OR9Q1: variants seen among roughly 807,000 people sequenced by gnomAD.
OR9Q1 encodes the protein olfactory receptor 9Q1.
For missense variants in OR9Q1, 374 were observed against 378.8 expected (o/e 0.99, Z 0.11); for synonymous variants, 153 against 148.6 (o/e 1.03, Z -0.22).
In OR9Q1 at chr11:58,175,145, C is replaced by G. The variant is rs185967245; in HGVS notation, c.-14-4286C>G. ...AAAAAAAAGGAGATTTAGATTATTA[C>G]GCACAACAATATATAAAAATTTTTA... On this transcript the variant is annotated intron_variant, in intron 2 of 2. Coordinates refer to ENST00000335397, the MANE Select transcript of OR9Q1 (RefSeq NM_001005212.4). Among the ~76,000 whole-genome samples the G allele has an allele frequency of 9.9e-5, 14 of 142,084 alleles. 1 individual carries two copies. Among genetic ancestry groups the G allele is most frequent in the Non-Finnish European group, 1.8e-4 (12 of 65,192 alleles). 93.2% of individuals were successfully genotyped at this position (142,084 alleles called of 152,430 possible). A position where few individuals can be genotyped will look rare whatever the true frequency, so the allele number is the denominator to read the frequency against.
chr11:58,040,219 G>A (rs1853147499), intron 1 of OR9Q1, among the ~76,000 whole-genome samples: 1 of 152,188 alleles, frequency 6.6e-6, no homozygotes, highest in African/African-American at 2.4e-5. Context: ...AGGACAGAGT[G>A]GACTGGGTGA....
intron 2 of OR9Q1, among the ~76,000 whole-genome samples, chr11:58,082,802 A>G (rs1440299062): frequency 2.0e-5 from 3 of 148,812 alleles, no homozygotes; most frequent in Non-Finnish European, 4.4e-5. Flanking sequence ...TTAAAATTTT[A>G]TTATTATTAT....
chr11:58,168,234 G>C (rs2119941226), intron 2 of OR9Q1, among the ~76,000 whole-genome samples: 1 of 152,244 alleles, frequency 6.6e-6, no homozygotes, highest in Admixed American at 6.5e-5. Context: ...TCCAGTCTCT[G>C]ATCCTAGTCC....
chr11:58,034,074 CTTTTTTTTTTTT>C (rs61109050), intron 1 of OR9Q1, among the ~76,000 whole-genome samples: 23 of 61,148 alleles, frequency 3.8e-4, no homozygotes, highest in African/African-American at 1.5e-3. Context: ...TCAGCACTTG[CTTTTTTTTTTTT>C]TTTTTTTTTT....
intron 2 of OR9Q1, among the ~76,000 whole-genome samples, chr11:58,081,465 C>T (rs1853586507): frequency 6.6e-6 from 1 of 152,162 alleles, no homozygotes; most frequent in African/African-American, 2.4e-5. Flanking sequence ...TTCTCCATGT[C>T]CTCTCCAGCA....
intron 2 of OR9Q1, among the ~76,000 whole-genome samples, chr11:58,067,003 G>A (rs1476730954): frequency 1.3e-5 from 2 of 151,188 alleles, no homozygotes; most frequent in Non-Finnish European, 2.9e-5. Context: ...CTGGCTGCAG[G>A]GTTCAGCTGT....
chr11:58,147,097 A>G (rs1854306079), intron 2 of OR9Q1, among the ~76,000 whole-genome samples: 1 of 152,180 alleles, frequency 6.6e-6, no homozygotes, highest in Non-Finnish European at 1.5e-5. Context: ...AGTGCATGGC[A>G]TTTGATTTCC....
chr11:58,161,141 G>A (rs960694508), intron 2 of OR9Q1, among the ~76,000 whole-genome samples: 10 of 151,512 alleles, frequency 6.6e-5, no homozygotes, highest in Non-Finnish European at 2.9e-5. Context: ...AATACCTACT[G>A]TAAATGACGA....
chr11:58,116,644 G>A (rs1469643143), intron 2 of OR9Q1: 2 of 152,088 alleles, frequency 1.3e-5, no homozygotes, highest in Non-Finnish European at 2.9e-5. Context: ...TAGCTATTTG[G>A]ATATTCTTCA....
chr11:58,139,930 T>G (rs1037746359), intron 2 of OR9Q1, among the ~76,000 whole-genome samples: 1 of 151,190 alleles, frequency 6.6e-6, no homozygotes, highest in East Asian at 2.0e-4. Context: ...TTTCTCCACA[T>G]CCTCTCCAGC....
At chr11:58,048,676 A>AT (rs199746759) in intron 1 of OR9Q1, among the ~76,000 whole-genome samples, 20,793 of 110,656 alleles carry the variant, frequency 0.19, 1,918 homozygotes, top group South Asian at 0.26. Flanking sequence ...TCTTAAAAAA[A>AT]AAAATATATA....
chr11:58,159,665 A>G (rs913496244), intron 2 of OR9Q1, among the ~76,000 whole-genome samples: 1 of 152,228 alleles, frequency 6.6e-6, no homozygotes, highest in Non-Finnish European at 1.5e-5. Flanking sequence ...TTGAAAGTAT[A>G]ACAGACAGAC....
intron 2 of OR9Q1, among the ~76,000 whole-genome samples, chr11:58,141,654 C>T (rs539567613): frequency 3.3e-5 from 5 of 152,180 alleles, no homozygotes; most frequent in East Asian, 1.9e-4. Flanking sequence ...CATCAATGTT[C>T]GTCAGGGATG....
chr11:58,158,754 G>C (rs568310503), intron 2 of OR9Q1, among the ~76,000 whole-genome samples: 1 of 152,302 alleles, frequency 6.6e-6, no homozygotes, highest in East Asian at 1.9e-4. Context: ...AACTATGAAA[G>C]ACTGGTGTTT....
chr11:58,061,166 CT>C (rs1461211250), intron 2 of OR9Q1, among the ~76,000 whole-genome samples: 1 of 152,162 alleles, frequency 6.6e-6, no homozygotes, highest in Non-Finnish European at 1.5e-5. Flanking sequence ...CACTGTCAGA[CT>C]TTTCCCAGCC....
chr11:58,042,799 G>A (rs540546069), intron 1 of OR9Q1, among the ~76,000 whole-genome samples: 163 of 152,210 alleles, frequency 1.1e-3, no homozygotes, highest in African/African-American at 3.7e-3. Context: ...TCTTCCATTC[G>A]TTTGTATCCT....
At chr11:58,118,869 T>A (rs1451165694) in intron 2 of OR9Q1, 2 of 1,613,884 alleles carry the variant, frequency 1.2e-6, no homozygotes, top group African/African-American at 2.7e-5. Context: ...CGATGTTTGC[T>A]GTGTCACTGC....
chr11:58,180,664 G>C lies in OR9Q1; in HGVS notation c.*287G>C, dbSNP rs1232301390. ...ACACTTCACCTGTCTGTGATTATAA[G>C]AGTAATTTTTTTTGCAAAATTTTTA... is the stretch of plus-strand genomic sequence containing the variant. On this transcript the variant is annotated 3_prime_UTR_variant, in exon 3 of 3. Coordinates refer to ENST00000335397, the MANE Select transcript of OR9Q1 (RefSeq NM_001005212.4). 1 of 266,734 alleles carries C rather than the reference G, an allele frequency of 3.7e-6. No homozygotes were observed. Among genetic ancestry groups the C allele is most frequent in the Non-Finnish European group, 7.5e-6 (1 of 132,922 alleles). The allele number at this position is 266,734 out of a possible 1,614,324, so 16.5% of individuals were successfully genotyped here.
intron 2 of OR9Q1, chr11:58,109,007 T>G (rs1352518552): frequency 2.3e-6 from 1 of 434,908 alleles, no homozygotes; most frequent in Admixed American, 2.4e-5. Flanking sequence ...ATAATGAGCA[T>G]GTAGCAGATC....
Sources: allele counts gnomAD v4.1 joint callset (sites outside exome capture counted in the v4.1 genomes callset), GRCh38; gene constraint gnomAD v4.1.1; transcripts MANE v1.5; gene names NCBI Gene and HGNC (gene_info 2026-07-23, HGNC 2026-07-21).